Variants in LRP5 observed in about 807,000 individuals in gnomAD.
LRP5 encodes the protein LDL receptor related protein 5.
A neutral mutation model predicts 154.1 loss-of-function variants in LRP5; 62 were observed. That is an observed-to-expected ratio of 0.40 (90% CI 0.33 to 0.50). LRP5 has a LOEUF of 0.50. Ranked by LOEUF, LRP5 falls within the 20% of genes least tolerant of loss-of-function variation. The pLI is 0.55. For missense variants in LRP5, 1,915 were observed against 2,336.7 expected (o/e 0.82, Z 3.72); for synonymous variants, 966 against 1,011.5 (o/e 0.96, Z 0.85).
intron 9 of LRP5, among the ~76,000 whole-genome samples, chr11:68,407,630 C>T (rs1035434983): frequency 5.3e-5 from 8 of 150,392 alleles, no homozygotes; most frequent in Admixed American, 4.6e-4. Context: ...CACCTGAGGT[C>T]GGGAGTTCGA....
At chr11:68,380,549 C>T (rs1400524870) in intron 5 of LRP5, among the ~76,000 whole-genome samples, 1 of 152,214 alleles carries the variant, frequency 6.6e-6, no homozygotes, top group Non-Finnish European at 1.5e-5. Context: ...GTTTCCTTCC[C>T]GGCTTTTGTG....
intron 17 of LRP5, 96 bp downstream of exon 17, chr11:68,429,796 C>T (rs868348373): frequency 2.6e-6 from 4 of 1,510,328 alleles, no homozygotes; most frequent in Admixed American, 1.7e-5. Flanking sequence ...AATCACAGTC[C>T]CTGTGGCATC....
chr11:68,370,270 CCTT>C (rs2098633311), intron 5 of LRP5, among the ~76,000 whole-genome samples: 1 of 152,170 alleles, frequency 6.6e-6, no homozygotes, highest in Admixed American at 6.5e-5. Flanking sequence ...GCATTGCGCT[CCTT>C]CTGCAAATGT....
chr11:68,389,410 A>T (rs1375509685), intron 6 of LRP5, among the ~76,000 whole-genome samples: 13 of 152,124 alleles, frequency 8.5e-5, no homozygotes, highest in Admixed American at 7.9e-4. Context: ...GCATCTACCA[A>T]CACCGACATT....
chr11:68,439,656 G>T, intron 20 of LRP5, 121 bp from the exon 21 acceptor site: 1 of 1,095,572 alleles, frequency 9.1e-7, no homozygotes. Context: ...ATTTCCAACA[G>T]GACACACCGC....
chr11:68,309,245 T>G (rs1263853380), upstream of LRP5, among the ~76,000 whole-genome samples: 1 of 142,540 alleles, frequency 7.0e-6, no homozygotes, highest in Admixed American at 7.1e-5. Context: ...TTTTTTCTTT[T>G]TTTTAGAGAC....
rs1491377674 is a variant in LRP5, at chr11:68,397,971, T to TG, written c.1585-5512_1585-5511insG. On this transcript the variant is annotated intron_variant, in intron 7 of 22. Transcript: ENST00000294304. The stretch of plus-strand genomic sequence containing the variant: ...CTTTGGCACTGCAGAGCTGTGTGTG[T>TG]TTGTGTGTGTGTGTGTGTGTGTGTG... Among the ~76,000 whole-genome samples the TG allele has an allele frequency of 4.7e-3, 670 of 141,502 alleles. 2 individuals are homozygous for TG. The highest frequency in any genetic ancestry group is 9.3e-3 in the African/African-American group (348 of 37,480). 92.8% of individuals were successfully genotyped at this position (141,502 alleles called of 152,430 possible). A position where few individuals can be genotyped will look rare whatever the true frequency, so the allele number is the denominator to read the frequency against.
rs187921849 is a variant in LRP5, at chr11:68,442,710, G to A, written c.4488+2794G>A. On this transcript the variant is annotated intron_variant, in intron 21 of 22. Transcript: ENST00000294304. Reference sequence around the variant, plus strand: ...GGCTCCCAGCTGCCGTGTGCACCCTGCCTAGAGCTCTACCGTAACCCATCT... The same window carrying A: ...GGCTCCCAGCTGCCGTGTGCACCCTACCTAGAGCTCTACCGTAACCCATCT... Among the ~76,000 whole-genome samples the A allele has an allele frequency of 1.5e-4, 23 of 152,288 alleles. No homozygotes were observed. In the East Asian group the frequency reaches 2.1e-3, roughly 14 times the overall value.
At chr11:68,341,002 T>TG (rs2098608640) in intron 1 of LRP5, among the ~76,000 whole-genome samples, 1 of 148,832 alleles carries the variant, frequency 6.7e-6, no homozygotes, top group Non-Finnish European at 1.5e-5. Flanking sequence ...ACTAGTTAAT[T>TG]GGTGCTACCT....
chr11:68,389,590 T>TGACATTTACCGACACC (rs1491559899), intron 6 of LRP5, among the ~76,000 whole-genome samples: 11 of 128,834 alleles, frequency 8.5e-5, no homozygotes, highest in African/African-American at 2.6e-4. Context: ...CTACCAACAC[T>TGACATTTACCGACACC]GACATTTACC....
chr11:68,429,866 C>A (rs969369822), intron 17 of LRP5, among the ~76,000 whole-genome samples, 166 bp downstream of exon 17: 1 of 152,194 alleles, frequency 6.6e-6, no homozygotes, highest in African/African-American at 2.4e-5. Flanking sequence ...TATGTGCATT[C>A]GGTGCTATGA....
chr11:68,421,042 T>C (rs560178129), intron 13 of LRP5, among the ~76,000 whole-genome samples: 29 of 152,200 alleles, frequency 1.9e-4, no homozygotes, highest in East Asian at 9.7e-4. Context: ...CTGGCCAACA[T>C]GGTGAAACCC....
At chr11:68,424,856 G>A (rs1270272503) in intron 14 of LRP5, among the ~76,000 whole-genome samples, 1 of 152,240 alleles carries the variant, frequency 6.6e-6, no homozygotes, top group Non-Finnish European at 1.5e-5. Flanking sequence ...CTCACCCATT[G>A]TGGTCGTATC....
At chr11:68,310,756 A>T (rs1229209540), upstream of LRP5, among the ~76,000 whole-genome samples, 6 of 142,638 alleles carry the variant, frequency 4.2e-5, no homozygotes, top group Non-Finnish European at 9.1e-5. Context: ...CCCTGTCTCA[A>T]AAAAAAAAAA....
At chr11:68,339,102 G>A (rs920067397) in intron 1 of LRP5, among the ~76,000 whole-genome samples, 1 of 150,752 alleles carries the variant, frequency 6.6e-6, no homozygotes, top group Non-Finnish European at 1.5e-5. Context: ...TCAAACTCCT[G>A]ACCTCAGATG....
intron 8 of LRP5, 124 bp from the exon 9 acceptor site, chr11:68,406,400 G>A (rs1402799888): frequency 1.9e-6 from 2 of 1,038,688 alleles, no homozygotes; most frequent in Non-Finnish European, 3.0e-6. Flanking sequence ...ACCCGGGGGT[G>A]AGTCCTGAGC....
In LRP5 at chr11:68,425,163, G is replaced by A. The variant is rs770787447; in HGVS notation, c.3298G>A (p.Gly1100Ser). Residue 1100 changes from glycine (G) to serine (S), a missense_variant, in exon 15 of 23, where the codon GGC (glycine) becomes AGC (serine). Gly to Ser is a moderately conservative substitution (Grantham distance 56). Around this residue, in one of 3 missense-constraint regions of LRP5, gnomAD observed 1,094 missense variants for 1,210.1 expected, o/e 0.90. Transcript: ENST00000294304. ...AAKIERAALDGTEREVLFTTG... is the reference protein window; with the variant it reads ...AAKIERAALDSTEREVLFTTG... ...CAAGATCGAACGCGCAGCCCTGGAC[G>A]GCACCGAGCGCGAGGTCCTCTTCAC... 12 of 1,613,612 alleles carry A rather than the reference G, an allele frequency of 7.4e-6. No homozygotes were observed. The highest frequency in any genetic ancestry group is 6.7e-5 in the African/African-American group (5 of 74,920).
At chr11:68,321,069 T>G (rs1006048452) in intron 1 of LRP5, among the ~76,000 whole-genome samples, 3 of 149,210 alleles carry the variant, frequency 2.0e-5, no homozygotes, top group Non-Finnish European at 4.5e-5. Flanking sequence ...TTTTTTTTTT[T>G]TTTTTTTTTT....
intron 7 of LRP5, among the ~76,000 whole-genome samples, chr11:68,401,687 T>A (rs1591282227): frequency 6.6e-6 from 1 of 150,960 alleles, no homozygotes; most frequent in Non-Finnish European, 1.5e-5. Flanking sequence ...CTTCCCGCTC[T>A]CCTAACAGCT....
Sources: allele counts gnomAD v4.1 joint callset (sites outside exome capture counted in the v4.1 genomes callset), GRCh38; gene constraint gnomAD v4.1.1; regional missense constraint gnomAD v4.1.1; transcripts MANE v1.5; gene names NCBI Gene and HGNC (gene_info 2026-07-23, HGNC 2026-07-21).